Variants in HNRNPUL1 observed in about 807,000 individuals in gnomAD.
HNRNPUL1 encodes heterogeneous nuclear ribonucleoprotein U like 1.
Under a neutral mutation model 108.5 loss-of-function variants are expected in HNRNPUL1, and 14 were observed. That is an observed-to-expected ratio of 0.13 (90% CI 0.09 to 0.20). HNRNPUL1 has a LOEUF of 0.20. Among genes scored for constraint, HNRNPUL1 ranks in the 10% least tolerant of loss-of-function variants. The pLI, the probability that HNRNPUL1 is intolerant of heterozygous loss-of-function variation, is 1.00. For missense variants in HNRNPUL1, 804 were observed against 1,168.3 expected (o/e 0.69, Z 4.55); for synonymous variants, 422 against 445.2 (o/e 0.95, Z 0.66).
chr19:41,277,122 A>G (rs899595762), intron 5 of HNRNPUL1, among the ~76,000 whole-genome samples: 1 of 151,760 alleles, frequency 6.6e-6, no homozygotes, highest in African/African-American at 2.4e-5. Flanking sequence ...AAAAACAAAA[A>G]CAAAAAAAAC....
chr19:41,281,489 A>G (rs987003920), intron 7 of HNRNPUL1, among the ~76,000 whole-genome samples: 2 of 151,904 alleles, frequency 1.3e-5, no homozygotes, highest in African/African-American at 4.8e-5. Context: ...TTCAGATGAC[A>G]CCCTGAAGAG....
intron 7 of HNRNPUL1, among the ~76,000 whole-genome samples, chr19:41,289,327 T>C (rs2036442306): frequency 1.3e-5 from 2 of 152,134 alleles, no homozygotes; most frequent in Admixed American, 1.3e-4. Context: ...GTGTCAAATA[T>C]CAAGTCCTCA....
At chr19:41,277,404 T>C (rs2035630520) in intron 5 of HNRNPUL1, among the ~76,000 whole-genome samples, 1 of 152,242 alleles carries the variant, frequency 6.6e-6, no homozygotes, top group Admixed American at 6.5e-5. Flanking sequence ...TTATATTTTA[T>C]TGACCACGAC....
intron 4 of HNRNPUL1, among the ~76,000 whole-genome samples, chr19:41,274,918 A>G (rs2035459456): frequency 1.3e-5 from 2 of 152,218 alleles, no homozygotes; most frequent in African/African-American, 4.8e-5. Flanking sequence ...GTTGGGTGGC[A>G]GTGGTTCATG....
chr19:41,292,224 T>G lies in HNRNPUL1; in HGVS notation c.1000-21T>G. The stretch of plus-strand genomic sequence containing the variant: ...CTATGGCAAGAGTTGGCAATCATAT[T>G]CCTTTGGCTTTTTCTCCTAGGATTT... On this transcript the variant is annotated intron_variant, in intron 7 of 14. Coordinates refer to ENST00000392006, the MANE Select transcript of HNRNPUL1 (RefSeq NM_007040.6). The surrounding 1 kb of genome is among the most constrained non-coding windows in gnomAD (Gnocchi z 4.1). 6.2e-7 allele frequency: 1 copy of G among 1,611,540 alleles called. No individual in the cohort carries two copies.
At chr19:41,265,884 A>G (rs569168341) in intron 1 of HNRNPUL1, among the ~76,000 whole-genome samples, 2 of 152,176 alleles carry the variant, frequency 1.3e-5, no homozygotes, top group African/African-American at 4.8e-5. Flanking sequence ...GCAAAGAGAA[A>G]GAAACCTGTT....
intron 2 of HNRNPUL1, among the ~76,000 whole-genome samples, chr19:41,269,620 AG>A (rs1435001356): frequency 6.6e-6 from 1 of 151,966 alleles, no homozygotes; most frequent in Admixed American, 6.6e-5. Context: ...CTGGCAACAT[AG>A]TGAGACCCCT....
intron 7 of HNRNPUL1, among the ~76,000 whole-genome samples, chr19:41,283,552 T>G (rs1347044074): frequency 6.6e-6 from 1 of 152,172 alleles, no homozygotes; most frequent in Non-Finnish European, 1.5e-5. Flanking sequence ...GCTTCCTGGG[T>G]TCAAGTGATT....
At chr19:41,298,214 A>G (rs2036998757) in intron 10 of HNRNPUL1, among the ~76,000 whole-genome samples, 1 of 152,038 alleles carries the variant, frequency 6.6e-6, no homozygotes, top group African/African-American at 2.4e-5. Flanking sequence ...CCTCCCTCAG[A>G]CTGTTATACA....
chr19:41,280,432 CTTTT>C (rs1464526233), intron 6 of HNRNPUL1, among the ~76,000 whole-genome samples: 2 of 152,052 alleles, frequency 1.3e-5, no homozygotes. Context: ...TGTGTTAGCA[CTTTT>C]TATTTAAGAC....
At chr19:41,304,515 A>G (rs150160769) in intron 13 of HNRNPUL1, among the ~76,000 whole-genome samples, 1 of 152,292 alleles carries the variant, frequency 6.6e-6, no homozygotes, top group Non-Finnish European at 1.5e-5. Flanking sequence ...ACCACCCTCA[A>G]GGGGATGGGC....
chr19:41,263,781 G>T (rs923777875), upstream of HNRNPUL1, among the ~76,000 whole-genome samples: 2 of 152,184 alleles, frequency 1.3e-5, no homozygotes, highest in Non-Finnish European at 2.9e-5. Flanking sequence ...CAGCTTTAGT[G>T]AGCTAAGACA....
chr19:41,279,852 GT>G (rs923417869), intron 6 of HNRNPUL1, among the ~76,000 whole-genome samples: 6 of 152,174 alleles, frequency 3.9e-5, no homozygotes, highest in African/African-American at 1.4e-4. Context: ...CATTCCATTT[GT>G]AGTCTTCTGG....
At chr19:41,265,287 G>A (rs1412815305) in intron 1 of HNRNPUL1, 1 of 1,530,942 alleles carries the variant, frequency 6.5e-7, no homozygotes, top group Non-Finnish European at 8.7e-7. Flanking sequence ...AGAGTTCTGA[G>A]GAAGGAGGAT....
chr19:41,281,033 A>AAAAGGCATC, intron 6 of HNRNPUL1, 130 bp from the exon 7 acceptor site: 1 of 632,300 alleles, frequency 1.6e-6, no homozygotes, highest in South Asian at 1.9e-5. Flanking sequence ...CCCTATTTTA[A>AAAAGGCATC]AAAGGCATCT....
chr19:41,302,836 G>A lies in HNRNPUL1; in HGVS notation c.1859G>A (p.Arg620His), dbSNP rs567506607. ...CGAGGTGGTGGTGGCTTCCGGGGCC[G>A]CGGGGGTGGTGGTGGCTTCCAGCGC... The part of the protein sequence containing the change: ...DNRGGGGFRG[R>H]GGGGGFQRYE... The change falls in exon 12 of 15, where the codon CGC becomes CAC. Residue 620 changes from arginine (R) to histidine (H), a missense_variant. This residue lies in a region of HNRNPUL1 where 294 missense variants were observed against 388.3 expected (regional missense o/e 0.76). Transcript: ENST00000392006. The A allele has an allele frequency of 6.9e-6, 11 of 1,595,810 alleles. No homozygotes were observed. The highest frequency in any genetic ancestry group is 2.7e-5 in the African/African-American group (2 of 74,512).
Position 41,306,819 on chromosome 19 carries a change from C to T in HNRNPUL1, c.*254C>T, listed in dbSNP as rs2037575650. 3.0e-6 allele frequency: 1 copy of T among 336,010 alleles called. No individual in the cohort carries two copies. Among genetic ancestry groups the T allele is most frequent in the African/African-American group, 2.1e-5 (1 of 46,982 alleles). The allele number at this position is 336,010 out of a possible 1,614,324, so 20.8% of individuals were successfully genotyped here. On this transcript the variant is annotated 3_prime_UTR_variant, in exon 15 of 15. Coordinates refer to ENST00000392006, the MANE Select transcript of HNRNPUL1 (RefSeq NM_007040.6). ...TGTCCCCACCTCCCCAGCCTTCCAC[C>T]TCCTGTTCTTCCTACCTTCTTCCTT...
rs372299109 is a variant in HNRNPUL1, at chr19:41,304,301, G to T, written c.2262+40G>T. The T allele has an allele frequency of 4.4e-5, 68 of 1,546,522 alleles. No individual in the cohort carries two copies. The African/African-American group carries it at 8.1e-4, about 18-fold the overall frequency. ...GTGTGTTTGTATGTAGTGATCGCAC[G>T]TGTGCTTTTGAACCTGAGCAAGTTA... is the stretch of plus-strand genomic sequence containing the variant. On this transcript the variant is annotated intron_variant, in intron 13 of 14. Coordinates refer to ENST00000392006, the MANE Select transcript of HNRNPUL1 (RefSeq NM_007040.6).
chr19:41,264,928 C>T (rs753665474), intron 1 of HNRNPUL1, 130 bp downstream of exon 1: 11 of 1,335,558 alleles, frequency 8.2e-6, no homozygotes, highest in Non-Finnish European at 1.0e-5. Context: ...TACCCGCCGC[C>T]GAAAAGGATC....
Sources: gnomAD v4.1 joint callset for allele counts (sites outside exome capture counted in the v4.1 genomes callset) on GRCh38, gnomAD v4.1.1 for gene constraint, gnomAD v4.1.1 regional missense constraint, Gnocchi (gnomAD v3.1) non-coding constraint, MANE v1.5 for transcripts, NCBI Gene and HGNC (gene_info 2026-07-23, HGNC 2026-07-21) for gene names.